EMID1: variants seen among roughly 807,000 people sequenced by gnomAD.
EMID1 encodes the protein EMI domain-containing protein 1.
A neutral mutation model predicts 60.6 loss-of-function variants in EMID1; 40 were observed. That is an observed-to-expected ratio of 0.66 (90% CI 0.51 to 0.86). The LOEUF is 0.86. Ranked by LOEUF, EMID1 falls within the 40% of genes least tolerant of loss-of-function variation. EMID1 has a pLI of 0.00. For synonymous variants in EMID1, 242 were observed against 231.0 expected (o/e 1.05, Z -0.43); for missense variants, 585 against 597.1 (o/e 0.98, Z 0.21).
chr22:29,207,708 G>A (rs947335722), intron 1 of EMID1, among the ~76,000 whole-genome samples: 3 of 152,236 alleles, frequency 2.0e-5, no homozygotes, highest in Non-Finnish European at 1.5e-5. Context: ...AGTAGCCTGA[G>A]CATCCCAAAA....
chr22:29,233,295 A>C, intron 8 of EMID1, 84 bp from the exon 9 acceptor site: 1 of 1,484,914 alleles, frequency 6.7e-7, no homozygotes, highest in Non-Finnish European at 9.4e-7. Flanking sequence ...AGGGCAGTCC[A>C]AGCTGTCTTG....
intron 13 of EMID1, among the ~76,000 whole-genome samples, chr22:29,247,634 T>G (rs2041371845): frequency 1.3e-5 from 2 of 152,190 alleles, no homozygotes; most frequent in Admixed American, 6.5e-5. Flanking sequence ...TTGGAGCTTT[T>G]TTGTTTGTTT....
chr22:29,230,349 CAAAAA>C (rs1306592920), intron 5 of EMID1, among the ~76,000 whole-genome samples: 1 of 146,184 alleles, frequency 6.8e-6, no homozygotes, highest in Non-Finnish European at 1.5e-5. Flanking sequence ...AAAAAAAAAA[CAAAAA>C]AACAAACTAA....
intron 3 of EMID1, among the ~76,000 whole-genome samples, chr22:29,222,739 A>G (rs1286505535): frequency 6.6e-6 from 1 of 152,018 alleles, no homozygotes; most frequent in Non-Finnish European, 1.5e-5. Flanking sequence ...TCTGCCTTAT[A>G]TTTGGTTTGC....
chr22:29,255,190 T>TTGCCCC, intron 14 of EMID1: 1 of 113,070 alleles, frequency 8.8e-6, no homozygotes, highest in Non-Finnish European at 2.1e-5. Context: ...GGCAGTGCCC[T>TTGCCCC]CCCACCCTCC....
Position 29,220,697 on chromosome 22 carries a change from A to G in EMID1, c.320-4436A>G, listed in dbSNP as rs571146601. Among the ~76,000 whole-genome samples, 6 of 152,136 alleles carry G rather than the reference A, an allele frequency of 3.9e-5. No individual in the cohort carries two copies. In the South Asian group the frequency reaches 1.0e-3, roughly 26 times the overall value. ...CAACTTTTCACATCTCTAATCCCCA[A>G]TTTAGGGCAAGATTGGAATCCCAGC... On this transcript the variant is annotated intron_variant, in intron 3 of 14. Coordinates refer to ENST00000334018, the MANE Select transcript of EMID1 (RefSeq NM_133455.4).
intron 1 of EMID1, 89 bp downstream of exon 1, chr22:29,206,228 G>A (rs1288396204): frequency 1.2e-5 from 12 of 1,031,988 alleles, no homozygotes; most frequent in Non-Finnish European, 8.6e-6. Context: ...GGATTGGAGG[G>A]CGATCCAGTC....
At chr22:29,219,461 A>G (rs752031600) in intron 3 of EMID1, among the ~76,000 whole-genome samples, 2 of 152,166 alleles carry the variant, frequency 1.3e-5, no homozygotes, top group Non-Finnish European at 2.9e-5. Context: ...GAGAGGGGAC[A>G]CTTGCCCGAG....
At chr22:29,253,877 C>T in intron 13 of EMID1, 1 of 982,770 alleles carries the variant, frequency 1.0e-6, no homozygotes, top group Non-Finnish European at 1.2e-6. Flanking sequence ...GGGCTCCCAG[C>T]AGCTTCTGGG....
chr22:29,255,454 C>T (rs1244922411), intron 14 of EMID1: 10 of 954,868 alleles, frequency 1.0e-5, no homozygotes, highest in Non-Finnish European at 1.3e-5. Flanking sequence ...ATGCTTGGCC[C>T]AGGCCAGCGG....
At position 29,254,315 on chromosome 22, in the gene EMID1, C is replaced by A. The variant is rs763070374; in HGVS notation, c.1204+28C>A. 18 of 1,603,644 alleles carry A rather than the reference C, an allele frequency of 1.1e-5. No individual in the cohort carries two copies. In the East Asian group the frequency reaches 3.6e-4, roughly 32 times the overall value. ...GAGTAGAGACAGACAGACGGACAGA[C>A]GGCCCAGCCCCTGCCTGCCAGCCTT... On this transcript the variant is annotated intron_variant, in intron 14 of 14. Coordinates refer to ENST00000334018, the MANE Select transcript of EMID1 (RefSeq NM_133455.4).
chr22:29,226,361 A>G, intron 4 of EMID1, 129 bp from the exon 5 acceptor site: 3 of 1,003,052 alleles, frequency 3.0e-6, no homozygotes, highest in Non-Finnish European at 4.3e-6. Flanking sequence ...TCCCAAGCCT[A>G]AGGTCCCTCG....
At chr22:29,206,308 C>T (rs1190340566) in intron 1 of EMID1, among the ~76,000 whole-genome samples, 169 bp downstream of exon 1, 5 of 152,242 alleles carry the variant, frequency 3.3e-5, no homozygotes, top group African/African-American at 1.2e-4. Flanking sequence ...GTGCGGGGTC[C>T]CCTACTCCAT....
intron 3 of EMID1, among the ~76,000 whole-genome samples, chr22:29,222,915 C>T (rs1232634652): frequency 3.3e-5 from 5 of 152,046 alleles, no homozygotes; most frequent in African/African-American, 1.2e-4. Flanking sequence ...TACGGTGAAA[C>T]CCCACCTCTA....
chr22:29,253,856 A>T (rs896239876), intron 13 of EMID1: 1 of 966,044 alleles, frequency 1.0e-6, no homozygotes, highest in African/African-American at 1.8e-5. Flanking sequence ...GACAGACATT[A>T]GAGGACAGGA....
intron 9 of EMID1, 50 bp from the exon 10 acceptor site, chr22:29,233,564 C>T: frequency 6.2e-7 from 1 of 1,608,888 alleles, no homozygotes; most frequent in African/African-American, 1.3e-5. Context: ...TGGGGCACTT[C>T]CTGAGATTGT....
At chr22:29,244,312 G>A (rs572569317) in intron 13 of EMID1, among the ~76,000 whole-genome samples, 15 of 151,982 alleles carry the variant, frequency 9.9e-5, no homozygotes, top group Admixed American at 2.6e-4. Context: ...ACAATCGTCC[G>A]GGATGCCGTG....
chr22:29,247,247 A>T (rs2041358778), intron 13 of EMID1, among the ~76,000 whole-genome samples: 5 of 152,246 alleles, frequency 3.3e-5, no homozygotes, highest in Admixed American at 2.0e-4. Context: ...CTAGGATTAC[A>T]GGTGTGAACC....
chr22:29,254,359 T>G (rs962840581), intron 14 of EMID1, 72 bp downstream of exon 14: 2 of 1,443,794 alleles, frequency 1.4e-6, no homozygotes, highest in African/African-American at 2.8e-5. Context: ...CCTCCTGGGG[T>G]GGAACTGGCC....
Sources: gnomAD v4.1 joint callset for allele counts (sites outside exome capture counted in the v4.1 genomes callset) on GRCh38, gnomAD v4.1.1 for gene constraint, MANE v1.5 for transcripts, NCBI Gene and HGNC (gene_info 2026-07-23, HGNC 2026-07-21) for gene names.